Variants in CDH13 observed in about 807,000 individuals in gnomAD.
CDH13 encodes the protein cadherin-13.
CDH13 carries 24 observed loss-of-function variants against 63.8 expected under a neutral mutation model. That is an observed-to-expected ratio of 0.38 (90% CI 0.27 to 0.53). The LOEUF (loss-of-function observed/expected upper bound fraction) is 0.53. CDH13 is among the 20% of genes least tolerant of loss of function. CDH13 has a pLI of 0.85. For synonymous variants in CDH13, 503 were observed against 355.3 expected (o/e 1.42, Z -4.67); for missense variants, 1,049 against 903.1 (o/e 1.16, Z -2.07).
intron 5 of CDH13, among the ~76,000 whole-genome samples, chr16:83,267,939 C>T (rs1031041889): frequency 1.3e-5 from 2 of 152,184 alleles, no homozygotes; most frequent in African/African-American, 4.8e-5. Context: ...CTCTCAGTCA[C>T]AGGTGAGGGA....
chr16:83,742,679 G>C (rs1459877331), intron 10 of CDH13, among the ~76,000 whole-genome samples: 1 of 152,198 alleles, frequency 6.6e-6, no homozygotes, highest in African/African-American at 2.4e-5. Context: ...GGGAGAGCAG[G>C]CTGTTCCGTG....
At chr16:83,366,855 T>C (rs2091267008) in intron 6 of CDH13, among the ~76,000 whole-genome samples, 1 of 152,182 alleles carries the variant, frequency 6.6e-6, no homozygotes, top group Non-Finnish European at 1.5e-5. Flanking sequence ...TGCCTTGATT[T>C]ATCACATACT....
chr16:82,960,767 G>A (rs887609111), intron 2 of CDH13, among the ~76,000 whole-genome samples: 5 of 152,122 alleles, frequency 3.3e-5, no homozygotes, highest in African/African-American at 1.2e-4. Flanking sequence ...ACGTCATAGA[G>A]AAGGTTTGTC....
At chr16:83,298,200 C>T (rs561132960) in intron 5 of CDH13, among the ~76,000 whole-genome samples, 35 of 151,892 alleles carry the variant, frequency 2.3e-4, no homozygotes, top group African/African-American at 7.5e-4. Flanking sequence ...CAATGATCGC[C>T]CCACTGCACT....
At chr16:82,925,232 G>C (rs759936672) in intron 2 of CDH13, among the ~76,000 whole-genome samples, 4 of 152,120 alleles carry the variant, frequency 2.6e-5, no homozygotes, top group Non-Finnish European at 5.9e-5. Context: ...GAGGGAGGAG[G>C]TGACATAAAA....
chr16:83,509,763 C>T (rs776560473), intron 7 of CDH13, among the ~76,000 whole-genome samples: 2 of 152,060 alleles, frequency 1.3e-5, no homozygotes. Context: ...TTATTAAAGC[C>T]TTATTATGAG....
At chr16:82,877,976 C>T (rs2040564759) in intron 2 of CDH13, among the ~76,000 whole-genome samples, 1 of 149,748 alleles carries the variant, frequency 6.7e-6, no homozygotes, top group Non-Finnish European at 1.5e-5. Context: ...CACACACACA[C>T]ACTCTATATA....
At chr16:83,306,976 T>C (rs553824111) in intron 5 of CDH13, among the ~76,000 whole-genome samples, 5 of 152,344 alleles carry the variant, frequency 3.3e-5, no homozygotes, top group South Asian at 2.1e-4. Context: ...CCTGAGCCTC[T>C]AGATAGTAAT....
chr16:83,284,659 TACATA>T (rs1227412341), intron 5 of CDH13, among the ~76,000 whole-genome samples: 1 of 152,036 alleles, frequency 6.6e-6, no homozygotes, highest in Non-Finnish European at 1.5e-5. Context: ...TTAAATATAT[TACATA>T]ACATAACATA....
chr16:83,571,603 GGGTC>G lies in CDH13; in HGVS notation c.961-30850_961-30847del, dbSNP rs562978215. 1.6e-3 allele frequency among the ~76,000 whole-genome samples: 247 copies of G among 152,102 alleles called. 2 individuals are homozygous for G. Among genetic ancestry groups the G allele is most frequent in the African/African-American group, 5.7e-3 (236 of 41,492 alleles). ...CCATACCAGATAATCAAGAAATATTGGGTCTGCCACTCCTTAATGTAACGCTGGC... is the reference window on the plus strand; with the variant it reads ...CCATACCAGATAATCAAGAAATATTGTGCCACTCCTTAATGTAACGCTGGC... On this transcript the variant is annotated intron_variant, in intron 7 of 13. Transcript: ENST00000567109.
chr16:82,786,435 GTTTTTTT>G (rs36019455), intron 1 of CDH13, among the ~76,000 whole-genome samples: 1 of 118,014 alleles, frequency 8.5e-6, no homozygotes, highest in African/African-American at 3.4e-5. Flanking sequence ...TCAGAAAACA[GTTTTTTT>G]TTTTTTTTTT....
chr16:83,061,380 C>T (rs2151523237), intron 3 of CDH13, among the ~76,000 whole-genome samples: 1 of 152,302 alleles, frequency 6.6e-6, no homozygotes, highest in South Asian at 2.1e-4. Flanking sequence ...GAATTCCCAG[C>T]ATCATGGTTT....
chr16:83,137,007 G>A (rs1343137516), intron 4 of CDH13, among the ~76,000 whole-genome samples: 2 of 152,218 alleles, frequency 1.3e-5, no homozygotes, highest in African/African-American at 2.4e-5. Context: ...AAGGAGTAGG[G>A]TTGACTTCAG....
chr16:83,226,727 G>A (rs1468079905), intron 5 of CDH13, among the ~76,000 whole-genome samples: 2 of 152,170 alleles, frequency 1.3e-5, no homozygotes, highest in Non-Finnish European at 2.9e-5. Flanking sequence ...GCAGCCCAGC[G>A]AATTTACAGG....
At chr16:83,017,363 T>A (rs1478355826) in intron 2 of CDH13, among the ~76,000 whole-genome samples, 1 of 152,226 alleles carries the variant, frequency 6.6e-6, no homozygotes, top group African/African-American at 2.4e-5. Flanking sequence ...GACTCCCTGT[T>A]ATGTCCTGTG....
intron 4 of CDH13, chr16:83,181,034 T>C (rs913698364): frequency 1.3e-6 from 2 of 1,501,430 alleles, no homozygotes; most frequent in African/African-American, 2.8e-5. Flanking sequence ...TAGCACTCGG[T>C]ATTTCAAATC....
At chr16:83,045,826 C>T (rs1048881391) in intron 3 of CDH13, among the ~76,000 whole-genome samples, 12 of 152,224 alleles carry the variant, frequency 7.9e-5, no homozygotes, top group African/African-American at 2.9e-4. Flanking sequence ...CTTTTTCCAC[C>T]CAGCACATGG....
chr16:83,794,359 C>T (rs567332221), intron 13 of CDH13, among the ~76,000 whole-genome samples: 5 of 152,088 alleles, frequency 3.3e-5, no homozygotes, highest in Admixed American at 6.5e-5. Flanking sequence ...TCAAGAACAG[C>T]CTGGACAACA....
chr16:83,670,834 T>C lies in CDH13; in HGVS notation c.1146T>C (p.Asn382=). 1 of 1,613,920 alleles carries C rather than the reference T, an allele frequency of 6.2e-7. No homozygotes were observed. The highest frequency in any genetic ancestry group is 2.2e-5 in the East Asian group (1 of 44,872). ...VEEGAVGVIV[N]LTVEDKDDPT... Reference sequence around the variant, plus strand: ...AAGGAGCTGTGGGAGTTATTGTCAATTTGACAGTTGAAGATAAGGATGACC... The same window carrying C: ...AAGGAGCTGTGGGAGTTATTGTCAACTTGACAGTTGAAGATAAGGATGACC... Residue 382 remains asparagine (N), a synonymous_variant, in exon 9 of 14, where the codon AAT becomes AAC. Transcript: ENST00000567109.
Sources: allele counts gnomAD v4.1 joint callset (sites outside exome capture counted in the v4.1 genomes callset), GRCh38; gene constraint gnomAD v4.1.1; transcripts MANE v1.5; gene names NCBI Gene and HGNC (gene_info 2026-07-23, HGNC 2026-07-21).